Variants in MED12L observed in about 807,000 individuals in gnomAD.
The protein encoded by MED12L is mediator complex subunit 12L, also known as mediator of RNA polymerase II transcription subunit 12-like protein.
MED12L carries 60 observed loss-of-function variants against 281.3 expected under a neutral mutation model. That is an observed-to-expected ratio of 0.21 (90% confidence interval 0.17 to 0.26). The LOEUF is 0.26. MED12L is among the 10% of genes least tolerant of loss of function. MED12L has a pLI of 1.00. For missense variants in MED12L, 2,146 were observed against 2,680.9 expected (o/e 0.80, Z 4.41); for synonymous variants, 974 against 987.2 (o/e 0.99, Z 0.25).
At chr3:151,235,572 T>C (rs909095767) in intron 16 of MED12L, among the ~76,000 whole-genome samples, 7 of 152,064 alleles carry the variant, frequency 4.6e-5, no homozygotes, top group Admixed American at 4.6e-4. Flanking sequence ...GGCGTGCCTG[T>C]AATCCCAGTT....
intron 16 of MED12L, among the ~76,000 whole-genome samples, chr3:151,261,719 T>G (rs1219128028): frequency 6.6e-6 from 1 of 151,108 alleles, no homozygotes; most frequent in African/African-American, 2.4e-5. Flanking sequence ...TTTGTTTTGT[T>G]TTGTTTTTGT....
intron 16 of MED12L, among the ~76,000 whole-genome samples, chr3:151,221,424 T>C (rs1335704402): frequency 2.0e-5 from 3 of 151,968 alleles, no homozygotes; most frequent in Admixed American, 2.0e-4. Flanking sequence ...ATGTCAAAGG[T>C]CTTTACTGCA....
intron 16 of MED12L, among the ~76,000 whole-genome samples, chr3:151,197,395 C>G (rs1261969305): frequency 6.6e-6 from 1 of 152,138 alleles, no homozygotes; most frequent in East Asian, 1.9e-4. Flanking sequence ...AACCCTTGAC[C>G]TGAGATCTGC....
At chr3:151,243,993 A>G (rs961285297) in intron 16 of MED12L, among the ~76,000 whole-genome samples, 1 of 140,044 alleles carries the variant, frequency 7.1e-6, no homozygotes, top group Non-Finnish European at 1.6e-5. Flanking sequence ...CAGACTTTAA[A>G]CCAACAAAGA....
chr3:151,413,389 T>C, intron 42 of MED12L, 94 bp downstream of exon 42: 2 of 1,415,770 alleles, frequency 1.4e-6, no homozygotes, highest in Non-Finnish European at 1.9e-6. Flanking sequence ...TAGTTGTCAA[T>C]TGCCAGATTC....
chr3:151,301,059 G>T (rs547264559), intron 16 of MED12L, among the ~76,000 whole-genome samples: 1 of 152,158 alleles, frequency 6.6e-6, no homozygotes, highest in East Asian at 1.9e-4. Context: ...GAACAGCTCC[G>T]GTATGTGGTA....
chr3:151,175,021 AAATG>A (rs1305960510), intron 11 of MED12L, among the ~76,000 whole-genome samples: 1 of 152,266 alleles, frequency 6.6e-6, no homozygotes, highest in African/African-American at 2.4e-5. Context: ...AGATTATAAA[AAATG>A]AATACCATTT....
intron 16 of MED12L, among the ~76,000 whole-genome samples, chr3:151,322,153 G>A (rs1350826567): frequency 6.6e-6 from 1 of 152,074 alleles, no homozygotes; most frequent in African/African-American, 2.4e-5. Context: ...AAATCCCTGG[G>A]AAAAGCCTAA....
At chr3:151,116,064 C>CAAAA (rs59017489) in intron 2 of MED12L, among the ~76,000 whole-genome samples, 11 of 92,278 alleles carry the variant, frequency 1.2e-4, no homozygotes, top group South Asian at 3.8e-4. Context: ...ACTCCATCTC[C>CAAAA]AAAAAAAAAA....
intron 16 of MED12L, among the ~76,000 whole-genome samples, chr3:151,300,731 C>T (rs548227730): frequency 6.6e-6 from 1 of 152,290 alleles, no homozygotes; most frequent in African/African-American, 2.4e-5. Context: ...CCCAGGTAAC[C>T]TCATTCTGTC....
intron 16 of MED12L, among the ~76,000 whole-genome samples, chr3:151,282,957 T>C (rs1743011067): frequency 6.6e-6 from 1 of 152,236 alleles, no homozygotes; most frequent in Admixed American, 6.5e-5. Context: ...GGGCAGAAAT[T>C]ACATCATTAA....
intron 16 of MED12L, among the ~76,000 whole-genome samples, chr3:151,262,320 G>A (rs1739062966): frequency 6.6e-6 from 1 of 152,218 alleles, no homozygotes; most frequent in South Asian, 2.1e-4. Flanking sequence ...TTCATCTCCA[G>A]TAGCATGAGT....
intron 14 of MED12L, among the ~76,000 whole-genome samples, chr3:151,191,744 C>T (rs1371211667): frequency 6.6e-6 from 1 of 151,938 alleles, no homozygotes; most frequent in African/African-American, 2.4e-5. Context: ...CTGTCTGTAC[C>T]AAAAATACAA....
At chr3:151,189,397 G>C (rs556502158) in intron 13 of MED12L, among the ~76,000 whole-genome samples, 41 of 152,216 alleles carry the variant, frequency 2.7e-4, no homozygotes, top group Non-Finnish European at 5.6e-4. Flanking sequence ...AAAAGTGAAA[G>C]GACTGAAGAG....
chr3:151,390,150 A>G lies in MED12L; in HGVS notation c.5608+15A>G, dbSNP rs755186171. On this transcript the variant is annotated intron_variant, in intron 38 of 44. Transcript: ENST00000687756. ...TCTTACTCCAGGTATGTGATGAGAA[A>G]GCACAGATCACTCAGAGATGAGAAA... 1.5e-5 allele frequency: 24 copies of G among 1,613,258 alleles called. No individual in the cohort carries two copies. The highest frequency in any genetic ancestry group is 2.0e-5 in the Non-Finnish European group (23 of 1,179,410).
chr3:151,188,525 T>C, intron 13 of MED12L, 45 bp downstream of exon 13: 1 of 1,516,504 alleles, frequency 6.6e-7, no homozygotes, highest in African/African-American at 1.4e-5. Context: ...AATAAGGGAT[T>C]GATTTTTTTT....
intron 16 of MED12L, among the ~76,000 whole-genome samples, chr3:151,257,672 G>A (rs1368299852): frequency 1.3e-5 from 2 of 152,210 alleles, no homozygotes; most frequent in East Asian, 3.8e-4. Context: ...TGCATTGTGT[G>A]GGCTTTCATA....
At chr3:151,241,884 C>G (rs1734178006) in intron 16 of MED12L, 1 of 153,386 alleles carries the variant, frequency 6.5e-6, no homozygotes, top group African/African-American at 2.4e-5. Flanking sequence ...GGGTTCATCT[C>G]ACTAGGGAGT....
intron 13 of MED12L, among the ~76,000 whole-genome samples, chr3:151,189,213 A>C (rs757302710): frequency 6.6e-6 from 1 of 152,224 alleles, no homozygotes; most frequent in Non-Finnish European, 1.5e-5. Context: ...AACAACAAAC[A>C]GTACTCTTCT....
Sources: allele counts gnomAD v4.1 joint callset (sites outside exome capture counted in the v4.1 genomes callset), GRCh38; gene constraint gnomAD v4.1.1; transcripts MANE v1.5; gene names NCBI Gene and HGNC (gene_info 2026-07-23, HGNC 2026-07-21).